RABGAP1L: variants seen among roughly 807,000 people sequenced by gnomAD.
RABGAP1L encodes the protein RAB GTPase activating protein 1 like.
Under a neutral mutation model 137.7 loss-of-function variants are expected in RABGAP1L, and 63 were observed. The ratio of observed to expected loss-of-function variants is 0.46; its 90% CI spans 0.37 to 0.56. The LOEUF is 0.56. RABGAP1L is among the 20% of genes least tolerant of loss of function. The probability of loss-of-function intolerance (pLI) is 0.00; values close to 1 mark genes in which losing one functional copy is unlikely to be tolerated. For missense variants in RABGAP1L, 1,095 were observed against 1,244.0 expected (o/e 0.88, Z 1.80); for synonymous variants, 431 against 433.7 (o/e 0.99, Z 0.08).
chr1:174,636,857 T>G (rs1674088363), intron 13 of RABGAP1L, among the ~76,000 whole-genome samples: 1 of 152,180 alleles, frequency 6.6e-6, no homozygotes, highest in South Asian at 2.1e-4. Context: ...AACACGTGCA[T>G]AAGCCATGTA....
chr1:174,978,217 C>T (rs188743564), intron 22 of RABGAP1L, among the ~76,000 whole-genome samples: 5 of 152,336 alleles, frequency 3.3e-5, no homozygotes, highest in Middle Eastern at 3.4e-3. Flanking sequence ...TTTAACATTT[C>T]AGTGACTGTA....
chr1:174,976,438 A>G (rs1044147719), intron 22 of RABGAP1L, among the ~76,000 whole-genome samples: 2 of 152,150 alleles, frequency 1.3e-5, no homozygotes, highest in African/African-American at 4.8e-5. Context: ...GATATTTAGC[A>G]AGAGTGTTGA....
intron 18 of RABGAP1L, among the ~76,000 whole-genome samples, chr1:174,784,818 T>C (rs1307703892): frequency 1.3e-5 from 2 of 152,206 alleles, no homozygotes; most frequent in East Asian, 3.9e-4. Context: ...AGCCCTTGCA[T>C]GGTTGAGGAA....
At chr1:174,881,325 A>T (rs926233304) in intron 19 of RABGAP1L, among the ~76,000 whole-genome samples, 80 of 152,200 alleles carry the variant, frequency 5.3e-4, no homozygotes, top group African/African-American at 1.8e-3. Context: ...TGTTTTATAT[A>T]TCAAACTTTT....
chr1:174,632,373 G>A (rs1204838540), intron 13 of RABGAP1L, among the ~76,000 whole-genome samples: 3 of 146,286 alleles, frequency 2.1e-5, no homozygotes, highest in African/African-American at 8.0e-5. Context: ...TATGTGTCTT[G>A]GAGTTGCTCT....
rs554565093 is a variant in RABGAP1L, at chr1:174,261,317, A to G, written c.986+8727A>G. 7.2e-5 allele frequency among the ~76,000 whole-genome samples: 11 copies of G among 152,318 alleles called. 1 individual carries two copies. The South Asian group carries it at 2.3e-3, about 32-fold the overall frequency. ...ATCATTATATATACATTAGAAAAACATCACTTCTAAATGACAGTGATCATA... is the reference window on the plus strand; with the variant it reads ...ATCATTATATATACATTAGAAAAACGTCACTTCTAAATGACAGTGATCATA... On this transcript the variant is annotated intron_variant, in intron 7 of 25. Coordinates refer to ENST00000681986, the MANE Select transcript of RABGAP1L (RefSeq NM_001366446.1).
At chr1:174,187,976 A>G (rs1374569683) in intron 1 of RABGAP1L, among the ~76,000 whole-genome samples, 4 of 152,172 alleles carry the variant, frequency 2.6e-5, no homozygotes, top group Non-Finnish European at 5.9e-5. Context: ...GTTGGCCTTA[A>G]TAAGGTGTGC....
At chr1:174,866,070 T>TGA (rs1300760609) in intron 19 of RABGAP1L, among the ~76,000 whole-genome samples, 2 of 144,914 alleles carry the variant, frequency 1.4e-5, no homozygotes, top group African/African-American at 2.6e-5. Context: ...TATGTATCTT[T>TGA]GAGAGAGAGT....
intron 19 of RABGAP1L, among the ~76,000 whole-genome samples, chr1:174,849,293 A>G (rs1452803651): frequency 6.6e-6 from 1 of 152,190 alleles, no homozygotes; most frequent in Admixed American, 6.5e-5. Context: ...TCACTATCAC[A>G]TATGAAGAAT....
At chr1:174,984,099 G>A (rs1382697508) in intron 24 of RABGAP1L, among the ~76,000 whole-genome samples, 1 of 149,630 alleles carries the variant, frequency 6.7e-6, no homozygotes, top group Non-Finnish European at 1.5e-5. Context: ...TGCAGAAGGT[G>A]CAGGTTTGTT....
chr1:174,283,694 A>G (rs930721245), intron 10 of RABGAP1L, among the ~76,000 whole-genome samples: 15 of 152,024 alleles, frequency 9.9e-5, no homozygotes, highest in Admixed American at 9.8e-4. Flanking sequence ...TTTAGTAGAG[A>G]CGAGGTTTTG....
At chr1:174,515,391 A>G (rs1662731108) in intron 13 of RABGAP1L, among the ~76,000 whole-genome samples, 1 of 152,298 alleles carries the variant, frequency 6.6e-6, no homozygotes, top group East Asian at 1.9e-4. Context: ...TTGTGCATGC[A>G]CACACACTGA....
chr1:174,640,296 C>G (rs1166046461), intron 14 of RABGAP1L, among the ~76,000 whole-genome samples: 3 of 152,010 alleles, frequency 2.0e-5, no homozygotes, highest in African/African-American at 7.2e-5. Flanking sequence ...AATAGGATAG[C>G]ATATCTATGA....
At chr1:174,970,078 A>C (rs1323485550) in intron 21 of RABGAP1L, among the ~76,000 whole-genome samples, 1 of 152,230 alleles carries the variant, frequency 6.6e-6, no homozygotes. Flanking sequence ...CAGGATATGG[A>C]AGGTAGAAAA....
chr1:174,582,665 C>T (rs868325531), intron 13 of RABGAP1L, among the ~76,000 whole-genome samples: 6 of 152,136 alleles, frequency 3.9e-5, no homozygotes, highest in East Asian at 1.9e-4. Flanking sequence ...ATCCTTTGTG[C>T]GTGGCAATTC....
At chr1:174,916,775 A>C (rs12076591) in intron 19 of RABGAP1L, among the ~76,000 whole-genome samples, 6,996 of 152,256 alleles carry the variant, frequency 0.046, 534 homozygotes, top group African/African-American at 0.16. Flanking sequence ...AAAACTTGTC[A>C]CTGGCCATAC....
chr1:174,507,254 A>G (rs1236363866), intron 13 of RABGAP1L, among the ~76,000 whole-genome samples: 4 of 152,202 alleles, frequency 2.6e-5, no homozygotes, highest in Admixed American at 2.6e-4. Context: ...AAAACCATAT[A>G]CATGTATTGC....
chr1:174,410,756 T>C lies in RABGAP1L; in HGVS notation c.1710+16611T>C, dbSNP rs552330740. On this transcript the variant is annotated intron_variant, in intron 13 of 25. Transcript: ENST00000681986. ...TGGTTCCATATGAATTTTAGAATAG[T>C]TTTTTTCTAGTTCTGTGAAAACTAA... 3.3e-5 allele frequency among the ~76,000 whole-genome samples: 5 copies of C among 152,302 alleles called. 1 individual carries two copies. In the South Asian group the frequency reaches 1.0e-3, roughly 32 times the overall value.
chr1:174,231,158 C>G lies in RABGAP1L; in HGVS notation c.345C>G (p.Pro115=). ...TTGTTTCTTCAGAAATTTCTACACCCAGACCATCTTCTCCAGGTGGACTAC... is the reference window on the plus strand; with the variant it reads ...TTGTTTCTTCAGAAATTTCTACACCGAGACCATCTTCTCCAGGTGGACTAC... ...LDPSNTEIST[P]RPSSPGGLPE... Residue 115 remains proline (P), a synonymous_variant, in exon 4 of 26, where the codon CCC becomes CCG. Transcript: ENST00000681986. 1 of 1,610,724 alleles carries G rather than the reference C, an allele frequency of 6.2e-7. No homozygotes were observed. The highest frequency in any genetic ancestry group is 8.5e-7 in the Non-Finnish European group (1 of 1,177,850).
Sources: allele counts gnomAD v4.1 joint callset (sites outside exome capture counted in the v4.1 genomes callset), GRCh38; gene constraint gnomAD v4.1.1; transcripts MANE v1.5; gene names NCBI Gene and HGNC (gene_info 2026-07-23, HGNC 2026-07-21).